Variants in PSG5 observed in about 807,000 individuals in gnomAD.
PSG5 encodes pregnancy specific beta-1-glycoprotein 5.
Under a neutral mutation model 37.7 loss-of-function variants are expected in PSG5, and 53 were observed. The ratio of observed to expected loss-of-function variants is 1.41; its 90% CI spans 1.13 to 1.77. PSG5 has a LOEUF of 1.77. Among genes scored for constraint, PSG5 ranks in the 40% most tolerant of loss-of-function variants. The pLI, the probability that PSG5 is intolerant of heterozygous loss-of-function variation, is 0.00. For missense variants in PSG5, 547 were observed against 405.2 expected (o/e 1.35, Z -3.00); for synonymous variants, 221 against 155.4 (o/e 1.42, Z -3.14).
At chr19:43,175,831 G>A (rs1968996547) in intron 3 of PSG5, 39 bp downstream of exon 3, 1 of 1,608,062 alleles carries the variant, frequency 6.2e-7, no homozygotes, top group Non-Finnish European at 8.5e-7. Context: ...TTAGATTTAA[G>A]CTGGTGTCCT....
intron 2 of PSG5, among the ~76,000 whole-genome samples, chr19:43,181,370 G>T (rs1301876547): frequency 6.6e-6 from 1 of 151,680 alleles, no homozygotes; most frequent in Non-Finnish European, 1.5e-5. Context: ...AGTTTTGGAA[G>T]TTTCTATTGA....
rs577939880 is a variant in PSG5, at chr19:43,178,519, G to A, written c.431-2371C>T. Among the ~76,000 whole-genome samples, 640 of 151,678 alleles carry A rather than the reference G, an allele frequency of 4.2e-3. 15 individuals carry two copies. The highest frequency in any genetic ancestry group is 0.015 in the African/African-American group (618 of 41,200). ...TAAAGTCACAGGTGACATTGTCAGA[G>A]GGAAGGGAAAATCCTGGTCTGTGGA... On this transcript the variant is annotated intron_variant, in intron 2 of 5. Coordinates refer to ENST00000342951, the MANE Select transcript of PSG5 (RefSeq NM_002781.4).
intron 2 of PSG5, among the ~76,000 whole-genome samples, chr19:43,184,431 A>T (rs75835214): frequency 0.048 from 7,246 of 151,656 alleles, 366 homozygotes; most frequent in Middle Eastern, 0.065. Context: ...TGAGGGTCTC[A>T]GGGGGCCCCT....
intron 2 of PSG5, chr19:43,179,058 C>G (rs760751035): frequency 6.2e-7 from 1 of 1,612,666 alleles, no homozygotes; most frequent in Non-Finnish European, 8.5e-7. Context: ...CCACAGGTAG[C>G]TTGTGTCTGA....
At chr19:43,174,319 T>C (rs1344363517) in intron 4 of PSG5, 4 of 499,470 alleles carry the variant, frequency 8.0e-6, no homozygotes, top group Non-Finnish European at 1.0e-5. Context: ...ATTGCACACA[T>C]AGAAATAGTT....
chr19:43,174,922 G>A lies in PSG5; in HGVS notation c.964+293C>T. 4.7e-6 allele frequency: 6 copies of A among 1,264,524 alleles called. 1 individual carries two copies. In the South Asian group the frequency reaches 5.4e-5, roughly 11 times the overall value. The allele number at this position is 1,264,524 out of a possible 1,614,324, so 78.3% of individuals were successfully genotyped here. A position where few individuals can be genotyped will look rare whatever the true frequency, so the allele number is the denominator to read the frequency against. ...ACATCGAGAAGCAACTTGATCTTGAGGACTCTCCTTCTCATCCCTCTGTGA... is the reference window on the plus strand; with the variant it reads ...ACATCGAGAAGCAACTTGATCTTGAAGACTCTCCTTCTCATCCCTCTGTGA... On this transcript the variant is annotated intron_variant, in intron 4 of 5. Coordinates refer to ENST00000342951, the MANE Select transcript of PSG5 (RefSeq NM_002781.4).
intron 5 of PSG5, among the ~76,000 whole-genome samples, chr19:43,169,295 C>T (rs1041411857): frequency 1.3e-5 from 2 of 151,644 alleles, no homozygotes; most frequent in African/African-American, 4.9e-5. Context: ...AAGATCTCAA[C>T]CACACATAGG....
intron 4 of PSG5, chr19:43,174,451 T>G: frequency 1.3e-6 from 1 of 789,842 alleles, no homozygotes; most frequent in Non-Finnish European, 1.5e-6. Context: ...AATCTCTCTA[T>G]TTCTCCAGCT....
intron 2 of PSG5, among the ~76,000 whole-genome samples, chr19:43,176,420 AG>A (rs1433290101): frequency 2.6e-5 from 4 of 151,582 alleles, no homozygotes; most frequent in African/African-American, 9.7e-5. Flanking sequence ...TGGGAGTCAC[AG>A]CCCCTGGTAC....
rs1181095557 is a variant in PSG5, at chr19:43,186,423, G to A, written c.-18C>T. ...GGCCCCATGGTCTCTGCGCCTGCGT[G>A]TTCTCCTCTGTGGAGCTGAGCCTAG... is the stretch of plus-strand genomic sequence containing the variant. On this transcript the variant is annotated 5_prime_UTR_variant, in exon 1 of 6. Transcript: ENST00000342951. 2.5e-6 allele frequency: 4 copies of A among 1,611,852 alleles called. No individual in the cohort carries two copies. The highest frequency in any genetic ancestry group is 3.4e-6 in the Non-Finnish European group (4 of 1,178,662).
chr19:43,170,068 T>A lies in PSG5; in HGVS notation c.*27A>T. ...AGGCCATCATACCTGCCAGTCTTCC[T>A]GAAATACAGAAATGACTTCACGGCT... On this transcript the variant is annotated 3_prime_UTR_variant, in exon 5 of 6. Coordinates refer to ENST00000342951, the MANE Select transcript of PSG5 (RefSeq NM_002781.4). The A allele has an allele frequency of 6.4e-7, 1 of 1,551,084 alleles. No individual in the cohort carries two copies. The highest frequency in any genetic ancestry group is 8.8e-7 in the Non-Finnish European group (1 of 1,130,688).
chr19:43,173,775 G>C (rs1344843869), intron 4 of PSG5, among the ~76,000 whole-genome samples: 1 of 151,596 alleles, frequency 6.6e-6, no homozygotes, highest in East Asian at 1.9e-4. Flanking sequence ...ATGGGAATGG[G>C]AAATGTTATA....
intron 2 of PSG5, among the ~76,000 whole-genome samples, chr19:43,177,174 C>T (rs2122220109): frequency 6.6e-6 from 1 of 151,676 alleles, no homozygotes; most frequent in East Asian, 1.9e-4. Context: ...TGAGAAGAGA[C>T]TGCTGTTTGC....
chr19:43,175,661 T>C lies in PSG5; in HGVS notation c.710-192A>G, dbSNP rs1599747572. The C allele has an allele frequency of 7.2e-6, 10 of 1,384,630 alleles. No homozygotes were observed. The East Asian group carries it at 2.3e-4, about 32-fold the overall frequency. The allele number at this position is 1,384,630 out of a possible 1,614,324, so 85.8% of individuals were successfully genotyped here. A position where few individuals can be genotyped will look rare whatever the true frequency, so the allele number is the denominator to read the frequency against. ...CCCATCACAAGCTATTGACACAAAG[T>C]CTCCCATGACAAGAGCGCCCCCTCC... On this transcript the variant is annotated intron_variant, in intron 3 of 5. Coordinates refer to ENST00000342951, the MANE Select transcript of PSG5 (RefSeq NM_002781.4).
At chr19:43,170,228 C>A in intron 4 of PSG5, 90 bp from the exon 5 acceptor site, 1 of 1,139,524 alleles carries the variant, frequency 8.8e-7, no homozygotes, top group South Asian at 1.3e-5. Context: ...ATGAGGTACT[C>A]TATAATTGTT....
At chr19:43,185,427 GCACCCCC>G (rs1480848366) in intron 1 of PSG5, among the ~76,000 whole-genome samples, 915 of 45,526 alleles carry the variant, frequency 0.02, 19 homozygotes, top group African/African-American at 0.1. Context: ...GGTCCACACG[GCACCCCC>G]CCCCCCCCAC....
chr19:43,179,919 G>C (rs1190387514), intron 2 of PSG5, among the ~76,000 whole-genome samples: 1 of 151,794 alleles, frequency 6.6e-6, no homozygotes, highest in African/African-American at 2.4e-5. Flanking sequence ...CTTGTAGAGG[G>C]CAGGTGAGGA....
rs912408426 is a variant in PSG5, at chr19:43,175,498, G to A, written c.710-29C>T. On this transcript the variant is annotated intron_variant, in intron 3 of 5. Coordinates refer to ENST00000342951, the MANE Select transcript of PSG5 (RefSeq NM_002781.4). ...GAGCAAAGAGAATGAAGCCACAGGTGATGTCATCCAAGGGAAGGGGATGCT... is the reference window on the plus strand; with the variant it reads ...GAGCAAAGAGAATGAAGCCACAGGTAATGTCATCCAAGGGAAGGGGATGCT... The A allele has an allele frequency of 3.2e-6, 5 of 1,581,922 alleles. 1 individual carries two copies. Among genetic ancestry groups the A allele is most frequent in the Non-Finnish European group, 4.3e-6 (5 of 1,164,330 alleles).
chr19:43,179,245 C>G (rs1969077165), intron 2 of PSG5: 1 of 1,415,154 alleles, frequency 7.1e-7, no homozygotes, highest in Non-Finnish European at 9.7e-7. Flanking sequence ...CATTTCCCAC[C>G]TGTCAGCCCA....
Sources: allele counts gnomAD v4.1 joint callset (sites outside exome capture counted in the v4.1 genomes callset), GRCh38; gene constraint gnomAD v4.1.1; transcripts MANE v1.5; gene names NCBI Gene and HGNC (gene_info 2026-07-23, HGNC 2026-07-21).